Variants in GPC5 observed in about 807,000 individuals in gnomAD.
GPC5 encodes glypican 5, also known as glypican-5.
In GPC5, 47 loss-of-function variants were observed where a neutral mutation model predicts 53.9. That is an observed-to-expected ratio of 0.87 (90% confidence interval 0.69 to 1.11). The LOEUF (loss-of-function observed/expected upper bound fraction) is 1.11, where lower values mean the gene tolerates loss of function less well. GPC5 is among the 50% of genes most tolerant of loss of function. The pLI is 0.00. For missense variants in GPC5, 748 were observed against 713.1 expected (o/e 1.05, Z -0.56); for synonymous variants, 286 against 263.3 (o/e 1.09, Z -0.84).
At chr13:91,920,926 C>CT (rs869309251) in intron 6 of GPC5, among the ~76,000 whole-genome samples, 406 of 32,186 alleles carry the variant, frequency 0.013, 12 homozygotes, top group Non-Finnish European at 0.017. Context: ...CTCTCTCTCT[C>CT]TTTTTTTTTT....
At chr13:91,830,829 A>G (rs1029345058) in intron 5 of GPC5, among the ~76,000 whole-genome samples, 3 of 138,008 alleles carry the variant, frequency 2.2e-5, no homozygotes, top group Non-Finnish European at 3.0e-5. Context: ...TATATAATAT[A>G]TATCCTATTA....
At chr13:91,940,209 T>C (rs113447750) in intron 6 of GPC5, among the ~76,000 whole-genome samples, 3,711 of 152,236 alleles carry the variant, frequency 0.024, 146 homozygotes, top group African/African-American at 0.085. Context: ...TGAGTACCAA[T>C]GTTTAGCTCC....
intron 7 of GPC5, among the ~76,000 whole-genome samples, chr13:92,337,809 T>C (rs909340442): frequency 6.6e-6 from 1 of 152,076 alleles, no homozygotes; most frequent in African/African-American, 2.4e-5. Flanking sequence ...AAAAATTTGC[T>C]CAAAATAGAC....
chr13:91,535,820 T>G (rs909967810), intron 2 of GPC5, among the ~76,000 whole-genome samples: 22 of 152,150 alleles, frequency 1.4e-4, no homozygotes, highest in Admixed American at 1.4e-3. Flanking sequence ...CAGAATTACC[T>G]GAATTTAGAA....
chr13:92,848,445 T>C (rs1421814968), intron 7 of GPC5, among the ~76,000 whole-genome samples: 1 of 152,160 alleles, frequency 6.6e-6, no homozygotes, highest in East Asian at 1.9e-4. Flanking sequence ...TTTTACTAAG[T>C]TATATATTTT....
At chr13:91,876,899 G>A (rs1208996286) in intron 5 of GPC5, among the ~76,000 whole-genome samples, 2 of 152,162 alleles carry the variant, frequency 1.3e-5, no homozygotes. Context: ...CAGGCCCAGG[G>A]TGCCTGTGCT....
chr13:92,678,885 A>G (rs1394256490), intron 7 of GPC5, among the ~76,000 whole-genome samples: 2 of 152,200 alleles, frequency 1.3e-5, no homozygotes, highest in African/African-American at 2.4e-5. Flanking sequence ...TCATATTTTG[A>G]AAATATTTTT....
rs187186698 is a variant in GPC5, at chr13:92,336,924, A to G, written c.1561+191935A>G. On this transcript the variant is annotated intron_variant, in intron 7 of 7. Coordinates refer to ENST00000377067, the MANE Select transcript of GPC5 (RefSeq NM_004466.6). ...CAAGTGATCTTCCAGCATGTACAAG[A>G]AAGCATGTATAGCGGAATTGCCTTT... Among the ~76,000 whole-genome samples, 249 of 152,274 alleles carry G rather than the reference A, an allele frequency of 1.6e-3. 7 individuals are homozygous for G. Among genetic ancestry groups the G allele is most frequent in the Non-Finnish European group, 7.4e-5 (5 of 68,022 alleles).
chr13:92,380,379 G>T (rs2043729060), intron 7 of GPC5, among the ~76,000 whole-genome samples: 1 of 152,122 alleles, frequency 6.6e-6, no homozygotes, highest in Admixed American at 6.5e-5. Flanking sequence ...GTAGACTGGA[G>T]GAGTGTTGTC....
chr13:92,775,954 T>C (rs1000289267), intron 7 of GPC5, among the ~76,000 whole-genome samples: 2 of 152,358 alleles, frequency 1.3e-5, no homozygotes, highest in South Asian at 4.1e-4. Flanking sequence ...TTTATGACTC[T>C]CTTAGAGAAA....
chr13:91,483,448 GAT>G (rs1183589532), intron 2 of GPC5, among the ~76,000 whole-genome samples: 1 of 152,152 alleles, frequency 6.6e-6, no homozygotes, highest in African/African-American at 2.4e-5. Flanking sequence ...CTGCATGTCA[GAT>G]ATTTCATGCA....
intron 7 of GPC5, among the ~76,000 whole-genome samples, chr13:92,481,076 G>A (rs1418308122): frequency 6.6e-6 from 1 of 151,542 alleles, no homozygotes; most frequent in African/African-American, 2.4e-5. Flanking sequence ...CTCCAGAACT[G>A]TAAGATCACT....
intron 7 of GPC5, among the ~76,000 whole-genome samples, chr13:92,224,322 G>A (rs34115623): frequency 0.029 from 4,446 of 152,242 alleles, 89 homozygotes; most frequent in Non-Finnish European, 0.046. Context: ...GGCGGAACAG[G>A]AAGTTTTCTT....
At chr13:92,266,061 A>G (rs2042800506) in intron 7 of GPC5, among the ~76,000 whole-genome samples, 1 of 152,194 alleles carries the variant, frequency 6.6e-6, no homozygotes, top group Non-Finnish European at 1.5e-5. Context: ...ATTTATTGGG[A>G]TAAAACCCTC....
intron 6 of GPC5, among the ~76,000 whole-genome samples, chr13:91,943,121 T>C (rs2039943118): frequency 6.6e-6 from 1 of 152,128 alleles, no homozygotes; most frequent in African/African-American, 2.4e-5. Flanking sequence ...TGTTGTAATA[T>C]TGAACTCAAG....
chr13:92,525,795 T>A (rs1402982220), intron 7 of GPC5, among the ~76,000 whole-genome samples: 1 of 151,988 alleles, frequency 6.6e-6, no homozygotes, highest in Admixed American at 6.6e-5. Flanking sequence ...TGAGAGCTAA[T>A]CCTGCCAGAA....
intron 7 of GPC5, among the ~76,000 whole-genome samples, chr13:92,797,075 A>T (rs574758917): frequency 6.6e-6 from 1 of 151,956 alleles, no homozygotes; most frequent in East Asian, 2.0e-4. Context: ...CGGTGCAACA[A>T]CTCTCACTGA....
At chr13:91,571,961 A>G (rs746100871) in intron 2 of GPC5, among the ~76,000 whole-genome samples, 39 of 141,366 alleles carry the variant, frequency 2.8e-4, no homozygotes, top group Non-Finnish European at 5.2e-4. Flanking sequence ...ACACACATAT[A>G]TGTATATATG....
intron 5 of GPC5, among the ~76,000 whole-genome samples, chr13:91,887,341 GA>G (rs2039335035): frequency 6.6e-6 from 1 of 152,130 alleles, no homozygotes; most frequent in South Asian, 2.1e-4. Context: ...CCTGGCCCAG[GA>G]AAACATTTTT....
Sources: gnomAD v4.1 joint callset for allele counts (sites outside exome capture counted in the v4.1 genomes callset) on GRCh38, gnomAD v4.1.1 for gene constraint, MANE v1.5 for transcripts, NCBI Gene and HGNC (gene_info 2026-07-23, HGNC 2026-07-21) for gene names.